Variants in CREB5 observed in about 807,000 individuals in gnomAD.
The protein encoded by CREB5 is cAMP responsive element binding protein 5.
In CREB5, 19 loss-of-function variants were observed where a neutral mutation model predicts 57.1. That is an observed-to-expected ratio of 0.33 (90% confidence interval 0.23 to 0.49). The LOEUF is 0.49. CREB5 is among the 20% of genes least tolerant of loss of function. The pLI is 0.99. For synonymous variants in CREB5, 238 were observed against 238.3 expected (o/e 1.00, Z 0.01); for missense variants, 579 against 671.6 (o/e 0.86, Z 1.52).
At chr7:28,546,684 A>C (rs78098677) in intron 4 of CREB5, among the ~76,000 whole-genome samples, 4,115 of 152,258 alleles carry the variant, frequency 0.027, 177 homozygotes, top group East Asian at 0.21. Context: ...CCTCATCTTG[A>C]GAGCTCAATT....
At chr7:28,558,052 G>A (rs1420876246) in intron 4 of CREB5, among the ~76,000 whole-genome samples, 1 of 152,178 alleles carries the variant, frequency 6.6e-6, no homozygotes, top group Non-Finnish European at 1.5e-5. Context: ...GTCATGCCCA[G>A]TTGTGGCCAG....
chr7:28,353,639 C>T lies in CREB5; in HGVS notation c.-25+54198C>T, dbSNP rs181442486. On this transcript the variant is annotated intron_variant, in intron 1 of 9. Coordinates refer to the CREB5 transcript ENST00000396299. ...CGGGCAGATCACGAGGTCAGGAGGT[C>T]GAGACCATCCTGGCTAACATGGTGA... Among the ~76,000 whole-genome samples the T allele has an allele frequency of 1.8e-3, 275 of 151,942 alleles. 1 individual carries two copies. Among genetic ancestry groups the T allele is most frequent in the Admixed American group, 5.2e-3 (79 of 15,256 alleles).
At chr7:28,619,076 C>T (rs1220746928) in intron 5 of CREB5, among the ~76,000 whole-genome samples, 1 of 152,196 alleles carries the variant, frequency 6.6e-6, no homozygotes, top group Non-Finnish European at 1.5e-5. Flanking sequence ...GGGCACATGG[C>T]CAAGTCCTGT....
chr7:28,342,233 C>T (rs1318220624), intron 1 of CREB5, among the ~76,000 whole-genome samples: 2 of 152,114 alleles, frequency 1.3e-5, no homozygotes, highest in Admixed American at 6.5e-5. Flanking sequence ...TATCACCATT[C>T]CTCTCTTCCA....
intron 1 of CREB5, among the ~76,000 whole-genome samples, chr7:28,394,263 A>G (rs546213969): frequency 6.6e-6 from 1 of 152,056 alleles, no homozygotes; most frequent in African/African-American, 2.4e-5. Context: ...AAAGAGTAGA[A>G]AGCAAACAAA....
chr7:28,723,412 C>T (rs936689378), intron 6 of CREB5, among the ~76,000 whole-genome samples: 3 of 152,310 alleles, frequency 2.0e-5, no homozygotes, highest in South Asian at 4.1e-4. Context: ...GGTATTTGAA[C>T]GATGTTCATT....
chr7:28,409,729 G>A, upstream of CREB5: 1 of 342,106 alleles, frequency 2.9e-6, no homozygotes, highest in East Asian at 9.7e-5. This position sits in a 1 kb window ranked among gnomAD's most constrained non-coding sequence, Gnocchi z 4.4. Context: ...TAGAGACCCC[G>A]CGCCGCGTGA....
At chr7:28,736,397 G>T (rs936405685) in intron 7 of CREB5, among the ~76,000 whole-genome samples, 3 of 151,952 alleles carry the variant, frequency 2.0e-5, no homozygotes, top group Non-Finnish European at 4.4e-5. Flanking sequence ...TCGAACTCCC[G>T]ACCTCAGGTG....
At chr7:28,703,026 T>G (rs1801942853) in intron 5 of CREB5, among the ~76,000 whole-genome samples, 1 of 152,108 alleles carries the variant, frequency 6.6e-6, no homozygotes, top group South Asian at 2.1e-4. Context: ...CAGGCATCAA[T>G]GAGGTAGAAC....
chr7:28,690,311 A>C (rs1801184353), intron 5 of CREB5, among the ~76,000 whole-genome samples: 1 of 152,210 alleles, frequency 6.6e-6, no homozygotes, highest in South Asian at 2.1e-4. Flanking sequence ...CCCACCAGAC[A>C]CAGAGCAGAA....
Position 28,819,509 on chromosome 7 carries a change from T to C in CREB5, c.*230T>C, listed in dbSNP as rs772972574. 4.4e-6 allele frequency: 2 copies of C among 455,432 alleles called. No homozygotes were observed. The highest frequency in any genetic ancestry group is 7.7e-6 in the Non-Finnish European group (2 of 261,034). 28.2% of individuals were successfully genotyped at this position (455,432 alleles called of 1,614,324 possible). ...AGCTTGGGAAACGCTTTGGTGCTTT[T>C]CTCCAGTTTTCTGGTACCAGTTACT... is the stretch of plus-strand genomic sequence containing the variant. On this transcript the variant is annotated 3_prime_UTR_variant, in exon 11 of 11. Transcript: ENST00000357727.
chr7:28,432,396 C>T (rs1231072180), intron 1 of CREB5, among the ~76,000 whole-genome samples: 6 of 152,158 alleles, frequency 3.9e-5, no homozygotes, highest in South Asian at 2.1e-4. Flanking sequence ...GGCTGTCGCT[C>T]GTACGCAGTT....
chr7:28,356,259 A>G (rs1786339702), intron 1 of CREB5, among the ~76,000 whole-genome samples: 2 of 152,250 alleles, frequency 1.3e-5, no homozygotes, highest in Non-Finnish European at 2.9e-5. Flanking sequence ...GAGTTTACCC[A>G]GATGTAGCAT....
intron 2 of CREB5, 40 bp from the exon 3 acceptor site, chr7:28,494,866 C>A: frequency 7.8e-7 from 1 of 1,280,248 alleles, no homozygotes; most frequent in Non-Finnish European, 1.1e-6. Context: ...AACTGAATGG[C>A]TCCTCTTCTC....
intron 5 of CREB5, among the ~76,000 whole-genome samples, chr7:28,690,855 T>C (rs1391932956): frequency 6.6e-6 from 1 of 152,210 alleles, no homozygotes; most frequent in Non-Finnish European, 1.5e-5. Flanking sequence ...TTATGCCTTT[T>C]TTTTAAATTC....
chr7:28,662,637 C>T (rs140367353), intron 5 of CREB5, among the ~76,000 whole-genome samples: 1 of 152,264 alleles, frequency 6.6e-6, no homozygotes, highest in East Asian at 1.9e-4. Flanking sequence ...TCCAGCTCCC[C>T]CCAACACACA....
At chr7:28,323,947 C>T (rs562648637) in intron 1 of CREB5, among the ~76,000 whole-genome samples, 79 of 152,240 alleles carry the variant, frequency 5.2e-4, no homozygotes, top group African/African-American at 1.9e-3. Flanking sequence ...ACCTAGATCC[C>T]TCACATATGC....
At chr7:28,636,835 A>C (rs1431052862) in intron 5 of CREB5, among the ~76,000 whole-genome samples, 1 of 151,666 alleles carries the variant, frequency 6.6e-6, no homozygotes, top group African/African-American at 2.4e-5. Flanking sequence ...CAGCCTCCTC[A>C]CTCCTGCAGC....
intron 1 of CREB5, among the ~76,000 whole-genome samples, chr7:28,471,117 G>A (rs1433802742): frequency 6.6e-6 from 1 of 152,120 alleles, no homozygotes. Flanking sequence ...TTGGTTGCCT[G>A]TGCATGTGGG....
Sources: gnomAD v4.1 joint callset for allele counts (sites outside exome capture counted in the v4.1 genomes callset) on GRCh38, gnomAD v4.1.1 for gene constraint, Gnocchi (gnomAD v3.1) non-coding constraint, MANE v1.5 for transcripts, NCBI Gene and HGNC (gene_info 2026-07-23, HGNC 2026-07-21) for gene names.